The following TRABD2A variants were observed in gnomAD, a reference collection of about 807,000 sequenced individuals.
TRABD2A encodes TraB domain containing 2A.
Under a neutral mutation model 45.6 loss-of-function variants are expected in TRABD2A, and 43 were observed. That is an observed-to-expected ratio of 0.94 (90% CI 0.74 to 1.22). The LOEUF is 1.22. Ranked by LOEUF, TRABD2A falls within the 50% of genes most tolerant of loss-of-function variation. The pLI is 0.00. For synonymous variants in TRABD2A, 269 were observed against 265.0 expected (o/e 1.02, Z -0.15); for missense variants, 642 against 652.4 (o/e 0.98, Z 0.17).
At chr2:84,833,859 G>A (rs560530583) in intron 4 of TRABD2A, 2 of 151,970 alleles carry the variant, frequency 1.3e-5, no homozygotes, top group East Asian at 2.0e-4. Flanking sequence ...GCAAGCTCAG[G>A]TGTTGGTGTT....
intron 2 of TRABD2A, among the ~76,000 whole-genome samples, chr2:84,869,557 T>C (rs1464531513): frequency 6.6e-6 from 1 of 152,230 alleles, no homozygotes; most frequent in Non-Finnish European, 1.5e-5. Context: ...TGCTGTCTCC[T>C]AAAGTAGCAA....
chr2:84,846,316 C>T (rs565351160), intron 2 of TRABD2A, among the ~76,000 whole-genome samples: 2 of 152,246 alleles, frequency 1.3e-5, no homozygotes, highest in East Asian at 3.9e-4. Context: ...TGCAATGATC[C>T]AAATAACAAC....
chr2:84,870,414 C>T lies in TRABD2A; in HGVS notation c.480G>A (p.Trp160Ter), dbSNP rs760608183. 3 of 1,614,018 alleles carry T rather than the reference C, an allele frequency of 1.9e-6. No homozygotes were observed. Among genetic ancestry groups the T allele is most frequent in the Non-Finnish European group, 2.5e-6 (3 of 1,179,894 alleles). The change falls in exon 2 of 7, where the codon TGG becomes TGA. Residue 160 changes from tryptophan to a stop codon, truncating the protein, a stop_gained. Coordinates refer to ENST00000409520, the MANE Select transcript of TRABD2A (RefSeq NM_001277053.2). LOFTEE classifies it high-confidence loss of function. ...DYLFNAIAGN[W>*]ERKRPVWVML... ...TCACCCAGACAGGCCTCTTGCGCTC[C>T]CAGTTTCCGGCAATAGCATTGAAGA...
intron 2 of TRABD2A, among the ~76,000 whole-genome samples, chr2:84,868,855 C>A (rs1230216214): frequency 6.6e-6 from 1 of 152,196 alleles, no homozygotes; most frequent in East Asian, 1.9e-4. Context: ...GCCTTCAAAT[C>A]AAAGCACCTT....
At chr2:84,841,779 C>A in intron 3 of TRABD2A, 82 bp downstream of exon 3, 1 of 1,366,084 alleles carries the variant, frequency 7.3e-7, no homozygotes, top group Non-Finnish European at 9.6e-7. Context: ...CCTTTGTACA[C>A]AGGATGTACA....
chr2:84,833,259 G>A (rs1284069053), intron 4 of TRABD2A: 2 of 152,234 alleles, frequency 1.3e-5, no homozygotes, highest in Non-Finnish European at 2.9e-5. Flanking sequence ...TGTGGGGTAG[G>A]AGAGGAGGCC....
intron 2 of TRABD2A, among the ~76,000 whole-genome samples, chr2:84,864,297 G>T (rs1306474377): frequency 6.6e-6 from 1 of 152,168 alleles, no homozygotes; most frequent in Non-Finnish European, 1.5e-5. Context: ...GGATTGCCAT[G>T]TAGGAGCAGG....
intron 5 of TRABD2A, among the ~76,000 whole-genome samples, chr2:84,829,806 C>A (rs1437817913): frequency 1.3e-5 from 2 of 150,308 alleles, no homozygotes; most frequent in African/African-American, 4.9e-5. Flanking sequence ...CCACACACAC[C>A]CCTCACACAC....
chr2:84,839,848 A>G (rs996026954), intron 3 of TRABD2A, among the ~76,000 whole-genome samples: 1 of 152,148 alleles, frequency 6.6e-6, no homozygotes, highest in Non-Finnish European at 1.5e-5. Flanking sequence ...CCTCCTGGCA[A>G]ATATTTCACT....
At chr2:84,861,973 G>A (rs1223558858) in intron 2 of TRABD2A, among the ~76,000 whole-genome samples, 1 of 152,232 alleles carries the variant, frequency 6.6e-6, no homozygotes, top group Non-Finnish European at 1.5e-5. Flanking sequence ...GAAGAGTTCA[G>A]GGAGGTACAC....
intron 1 of TRABD2A, 130 bp from the exon 2 acceptor site, chr2:84,870,915 G>T: frequency 1.1e-6 from 1 of 933,978 alleles, no homozygotes; most frequent in Non-Finnish European, 1.6e-6. Context: ...TTTTGAGTCC[G>T]TGTAGATTCA....
intron 2 of TRABD2A, among the ~76,000 whole-genome samples, chr2:84,864,691 C>G (rs1682618130): frequency 6.6e-6 from 1 of 152,170 alleles, no homozygotes; most frequent in Non-Finnish European, 1.5e-5. Context: ...TTGCCTTGGC[C>G]TCTAGGAACA....
chr2:84,837,213 C>G (rs1392753645), intron 4 of TRABD2A: 1 of 152,186 alleles, frequency 6.6e-6, no homozygotes, highest in African/African-American at 2.4e-5. Flanking sequence ...AGGCTGGTCT[C>G]AAACTCCTGA....
intron 1 of TRABD2A, among the ~76,000 whole-genome samples, chr2:84,871,890 A>G (rs2105410580): frequency 6.6e-6 from 1 of 152,302 alleles, no homozygotes; most frequent in Non-Finnish European, 1.5e-5. Context: ...TTGTCCCTTT[A>G]GGACGTGGAT....
At chr2:84,873,574 C>T (rs1682936372) in intron 1 of TRABD2A, among the ~76,000 whole-genome samples, 1 of 152,206 alleles carries the variant, frequency 6.6e-6, no homozygotes, top group South Asian at 2.1e-4. Context: ...GGAAACTGTA[C>T]ATCTACCAAG....
intron 2 of TRABD2A, among the ~76,000 whole-genome samples, chr2:84,846,660 A>C (rs1681908223): frequency 6.6e-6 from 1 of 152,230 alleles, no homozygotes; most frequent in African/African-American, 2.4e-5. Context: ...GGGTCATCAG[A>C]CAAGGCAGCC....
chr2:84,831,310 A>G (rs1324002315), intron 5 of TRABD2A, among the ~76,000 whole-genome samples: 1 of 152,176 alleles, frequency 6.6e-6, no homozygotes, highest in African/African-American at 2.4e-5. Context: ...TTCAGCCTCC[A>G]GAACTGTGAG....
At chr2:84,850,105 C>T (rs769934093) in intron 2 of TRABD2A, among the ~76,000 whole-genome samples, 3 of 152,194 alleles carry the variant, frequency 2.0e-5, no homozygotes, top group Admixed American at 6.5e-5. Flanking sequence ...GTACCTCCAA[C>T]GGGTTCTCTT....
chr2:84,852,497 TG>T (rs1309399145), intron 2 of TRABD2A, among the ~76,000 whole-genome samples: 1 of 151,188 alleles, frequency 6.6e-6, no homozygotes, highest in African/African-American at 2.4e-5. Context: ...GACCATGGGC[TG>T]GGGGGAGGGG....
Sources: allele counts gnomAD v4.1 joint callset (sites outside exome capture counted in the v4.1 genomes callset), GRCh38; gene constraint gnomAD v4.1.1; transcripts MANE v1.5; gene names NCBI Gene and HGNC (gene_info 2026-07-23, HGNC 2026-07-21).